Variants in GRIA3 observed in about 807,000 individuals in gnomAD.
GRIA3 encodes the protein glutamate receptor 3.
Under a neutral mutation model 63.0 loss-of-function variants are expected in GRIA3, and 3 were observed. The observed-to-expected ratio is 0.05, with a 90% CI of 0.02 to 0.12. GRIA3 has a LOEUF of 0.12. GRIA3 is among the 10% of genes least tolerant of loss of function. GRIA3 has a pLI of 1.00. For synonymous variants in GRIA3, 274 were observed against 257.9 expected (o/e 1.06, Z -0.60); for missense variants, 347 against 700.9 (o/e 0.50, Z 5.70).
intron 5 of GRIA3, among the ~76,000 whole-genome samples, chrX:123,365,144 G>A (rs1003857859): frequency 2.7e-5 from 3 of 111,614 alleles, no homozygotes; most frequent in Admixed American, 9.5e-5. Context: ...GCAAGGTGAT[G>A]GATATGTGAA....
At chrX:123,381,450 T>C (rs368561395) in intron 5 of GRIA3, among the ~76,000 whole-genome samples, 5 of 111,836 alleles carry the variant, frequency 4.5e-5, no homozygotes, top group African/African-American at 9.8e-5. Context: ...GGGGGGACCA[T>C]TGGCCTGCCT....
intron 3 of GRIA3, among the ~76,000 whole-genome samples, chrX:123,277,410 A>G (rs1354556361): frequency 8.9e-6 from 1 of 111,781 alleles, no homozygotes; most frequent in Non-Finnish European, 1.9e-5. Context: ...GCAGAAAACA[A>G]GAAGCGAGGA....
intron 3 of GRIA3, among the ~76,000 whole-genome samples, chrX:123,312,206 A>G (rs1017910923): frequency 9.0e-5 from 10 of 111,647 alleles, no homozygotes; most frequent in Non-Finnish European, 1.1e-4. Context: ...ATACAAGAAA[A>G]CCACAAATCT....
At chrX:123,319,816 G>GAAA (rs35660016) in intron 3 of GRIA3, among the ~76,000 whole-genome samples, 1 of 70,288 alleles carries the variant, frequency 1.4e-5, no homozygotes, top group South Asian at 7.8e-4. Flanking sequence ...AACACCTCAG[G>GAAA]AAAAAAAAAA....
At chrX:123,348,414 C>G (rs1381329376) in intron 4 of GRIA3, among the ~76,000 whole-genome samples, 1 of 111,314 alleles carries the variant, frequency 9.0e-6, no homozygotes, top group Non-Finnish European at 1.9e-5. Context: ...TAAACATGGT[C>G]GTGTTAAAGA....
At chrX:123,275,978 C>T (rs931229728) in intron 3 of GRIA3, among the ~76,000 whole-genome samples, 2 of 112,143 alleles carry the variant, frequency 1.8e-5, no homozygotes, top group African/African-American at 6.5e-5. Flanking sequence ...CCCAAACATA[C>T]ACATTGAGTA....
chrX:123,212,395 C>T (rs2147261110), intron 2 of GRIA3, among the ~76,000 whole-genome samples: 1 of 112,189 alleles, frequency 8.9e-6, no homozygotes, highest in East Asian at 2.8e-4. Flanking sequence ...ATTGTGGTAT[C>T]TCATTTTGTA....
intron 4 of GRIA3, among the ~76,000 whole-genome samples, chrX:123,347,116 G>T (rs185434628): frequency 5.1e-4 from 57 of 112,031 alleles, no homozygotes; most frequent in Non-Finnish European, 9.0e-4. Flanking sequence ...CCTGTATTTC[G>T]CTGAAAGTCT....
intron 5 of GRIA3, among the ~76,000 whole-genome samples, chrX:123,387,591 T>C (rs2147373752): frequency 8.9e-6 from 1 of 112,057 alleles, no homozygotes; most frequent in African/African-American, 3.2e-5. Context: ...GCCTTCATTA[T>C]GTCGAGGTAC....
intron 2 of GRIA3, among the ~76,000 whole-genome samples, chrX:123,192,295 CAGG>C (rs1381692900): frequency 9.0e-6 from 1 of 111,364 alleles, no homozygotes; most frequent in Admixed American, 9.5e-5. Context: ...TGGGCACTGT[CAGG>C]AGATGTACTG....
chrX:123,350,307 G>A (rs974766661), intron 4 of GRIA3, among the ~76,000 whole-genome samples: 1 of 110,140 alleles, frequency 9.1e-6, no homozygotes, highest in Non-Finnish European at 1.9e-5. Flanking sequence ...CTTTTTTGGC[G>A]CTGATGTAGA....
At chrX:123,295,306 TA>T (rs1024015565) in intron 3 of GRIA3, among the ~76,000 whole-genome samples, 3 of 111,835 alleles carry the variant, frequency 2.7e-5, no homozygotes, top group Non-Finnish European at 5.7e-5. Context: ...CGTGAATTTT[TA>T]AAAATCAGTC....
rs1194395883 is a variant in GRIA3, at chrX:123,482,834, A to T, written c.2475A>T (p.Ala825=). The change falls in exon 15 of 16, where the codon GCA becomes GCT. Residue 825 remains alanine (A), a synonymous_variant. Transcript: ENST00000620443. ...KTSALSLSNV[A]GVFYILVGGL... ...GCGCTCTGAGCCTGAGCAATGTGGCAGGCGTTTTCTATATACTTGTCGGAG... is the reference window on the plus strand; with the variant it reads ...GCGCTCTGAGCCTGAGCAATGTGGCTGGCGTTTTCTATATACTTGTCGGAG... The T allele has an allele frequency of 8.3e-7, 1 of 1,209,612 alleles. No individual in the cohort carries two copies. Among genetic ancestry groups the T allele is most frequent in the South Asian group, 1.8e-5 (1 of 56,938 alleles).
intron 2 of GRIA3, among the ~76,000 whole-genome samples, chrX:123,227,123 A>T (rs1158483653): frequency 9.0e-6 from 1 of 111,397 alleles, no homozygotes; most frequent in Non-Finnish European, 1.9e-5. Flanking sequence ...TTTCCCACTT[A>T]TCTAGGCTAA....
intron 5 of GRIA3, among the ~76,000 whole-genome samples, chrX:123,370,174 G>T (rs1182571190): frequency 8.9e-6 from 1 of 111,920 alleles, no homozygotes; most frequent in Non-Finnish European, 1.9e-5. Context: ...GCCAAAACAG[G>T]ATTAGGAGCC....
At chrX:123,301,753 T>G (rs1228104559) in intron 3 of GRIA3, among the ~76,000 whole-genome samples, 1 of 111,568 alleles carries the variant, frequency 9.0e-6, no homozygotes, top group Non-Finnish European at 1.9e-5. Flanking sequence ...TTTAAAATGT[T>G]CCTGAAGAGG....
chrX:123,459,919 A>T (rs2045783352), intron 12 of GRIA3, among the ~76,000 whole-genome samples: 1 of 111,493 alleles, frequency 9.0e-6, no homozygotes, highest in African/African-American at 3.2e-5. Flanking sequence ...GGAAAGATAA[A>T]CGTTTCAGCT....
chrX:123,228,369 G>C (rs1423280120), intron 2 of GRIA3, among the ~76,000 whole-genome samples: 1 of 111,093 alleles, frequency 9.0e-6, no homozygotes, highest in African/African-American at 3.3e-5. Context: ...CAGGGTTTCT[G>C]GGAGGGCCTC....
intron 3 of GRIA3, among the ~76,000 whole-genome samples, chrX:123,294,775 C>T (rs1485203184): frequency 3.6e-5 from 4 of 111,414 alleles, no homozygotes; most frequent in African/African-American, 6.5e-5. Context: ...CCATTTCTTA[C>T]GTGCCTACAG....
Sources: allele counts gnomAD v4.1 joint callset (sites outside exome capture counted in the v4.1 genomes callset), GRCh38; gene constraint gnomAD v4.1.1; transcripts MANE v1.5; gene names NCBI Gene and HGNC (gene_info 2026-07-23, HGNC 2026-07-21).